TMEM217: variants seen among roughly 807,000 people sequenced by gnomAD.
The protein encoded by TMEM217 is chromosome 6 open reading frame 128.
For missense variants in TMEM217, 204 were observed against 248.8 expected, an observed-to-expected ratio of 0.82 and a Z score of 1.21; for synonymous variants, 76 against 88.3, an observed-to-expected ratio of 0.86 and a Z score of 0.78.
At chr6:37,222,834 C>A (rs564823748) in intron 1 of TMEM217, among the ~76,000 whole-genome samples, 29 of 152,306 alleles carry the variant, frequency 1.9e-4, no homozygotes, top group African/African-American at 7.0e-4. Context: ...GGGCTTCCAC[C>A]GGCTCCATGG....
At chr6:37,220,036 G>A (rs911300908) in intron 1 of TMEM217, among the ~76,000 whole-genome samples, 11 of 152,108 alleles carry the variant, frequency 7.2e-5, no homozygotes, top group Non-Finnish European at 1.0e-4. Flanking sequence ...GTAACAATGA[G>A]CTAAGTATTC....
chr6:37,239,954 T>A (rs865798434), intron 1 of TMEM217, among the ~76,000 whole-genome samples: 13 of 151,916 alleles, frequency 8.6e-5, no homozygotes, highest in African/African-American at 2.7e-4. Flanking sequence ...CAATAGTAGT[T>A]TAAACAACTA....
intron 1 of TMEM217, among the ~76,000 whole-genome samples, chr6:37,232,669 T>A (rs1383092404): frequency 6.6e-6 from 1 of 152,210 alleles, no homozygotes; most frequent in Non-Finnish European, 1.5e-5. Flanking sequence ...TTTCCACATA[T>A]ACACTCCCTT....
intron 1 of TMEM217, among the ~76,000 whole-genome samples, chr6:37,226,234 T>A (rs1309909817): frequency 6.6e-6 from 1 of 151,482 alleles, no homozygotes; most frequent in Non-Finnish European, 1.5e-5. Flanking sequence ...AGATCACCAT[T>A]CTCTTTTTTT....
At chr6:37,228,262 G>C (rs77871502) in intron 1 of TMEM217, among the ~76,000 whole-genome samples, 1 of 152,190 alleles carries the variant, frequency 6.6e-6, no homozygotes. Context: ...AAAGTTACTA[G>C]GGAGTAGTAG....
At chr6:37,220,286 C>T (rs1645900931) in intron 1 of TMEM217, among the ~76,000 whole-genome samples, 1 of 152,160 alleles carries the variant, frequency 6.6e-6, no homozygotes, top group South Asian at 2.1e-4. Context: ...AGTTATTTGC[C>T]AATCTAGGCA....
chr6:37,246,194 G>GTAATCAGCTTT (rs1246477846), intron 1 of TMEM217, among the ~76,000 whole-genome samples: 1 of 152,288 alleles, frequency 6.6e-6, no homozygotes, highest in East Asian at 1.9e-4. Context: ...CTCTCCTGCA[G>GTAATCAGCTTT]TAATCAGCTT....
At chr6:37,257,906 C>G (rs112299709) in exon 1 of TMEM217, 3 of 1,613,206 alleles carry the variant, frequency 1.9e-6, no homozygotes, top group African/African-American at 1.3e-5. Flanking sequence ...AGGACTTCCC[C>G]CGGCCAGAGC....
chr6:37,218,778 A>G (rs998922565), exon 2 of TMEM217: 3 of 1,614,224 alleles, frequency 1.9e-6, no homozygotes, highest in South Asian at 2.2e-5. Flanking sequence ...GCATACACTG[A>G]GTACAGGAGG....
intron 1 of TMEM217, among the ~76,000 whole-genome samples, chr6:37,249,276 A>G (rs1421153471): frequency 6.6e-6 from 1 of 152,188 alleles, no homozygotes; most frequent in Admixed American, 6.5e-5. Flanking sequence ...ATGGCAATAG[A>G]AAGGAAGAAA....
At chr6:37,216,459 G>A (rs1325432598), downstream of TMEM217, among the ~76,000 whole-genome samples, 1 of 152,196 alleles carries the variant, frequency 6.6e-6, no homozygotes. Flanking sequence ...GGTAGGCAGA[G>A]CAGTTGAGAG....
downstream of TMEM217, among the ~76,000 whole-genome samples, chr6:37,214,252 G>A (rs1475351263): frequency 6.6e-6 from 1 of 152,128 alleles, no homozygotes; most frequent in Non-Finnish European, 1.5e-5. Flanking sequence ...TCTTTCGACA[G>A]AGTCTTGCTC....
exon 2 of TMEM217, chr6:37,218,307 T>C (rs764270819): frequency 2.6e-6 from 3 of 1,173,650 alleles, no homozygotes; most frequent in Non-Finnish European, 3.5e-6. Context: ...TGGCTGGGAT[T>C]ACAGGTGTGT....
chr6:37,218,627 C>T (rs758473634), exon 2 of TMEM217: 18 of 1,613,962 alleles, frequency 1.1e-5, no homozygotes, highest in African/African-American at 4.0e-5. Flanking sequence ...CATGACTGTA[C>T]GAGACACCAA....
At chr6:37,245,804 CTT>C (rs59353140) in intron 1 of TMEM217, among the ~76,000 whole-genome samples, 123,396 of 143,550 alleles carry the variant, frequency 0.86, 52,475 homozygotes, top group Middle Eastern at 0.93. Context: ...TTCTTTCTTT[CTT>C]TTTTTTTTTT....
At chr6:37,253,070 A>C (rs1765533538) in intron 1 of TMEM217, among the ~76,000 whole-genome samples, 1 of 152,166 alleles carries the variant, frequency 6.6e-6, no homozygotes, top group African/African-American at 2.4e-5. Context: ...TCTTTGACAA[A>C]ACCCATATAT....
intron 1 of TMEM217, among the ~76,000 whole-genome samples, chr6:37,252,001 C>T (rs535557875): frequency 6.6e-6 from 1 of 152,296 alleles, no homozygotes; most frequent in African/African-American, 2.4e-5. Flanking sequence ...TCAAGCAATT[C>T]TTCTGCCTCA....
At chr6:37,246,902 C>CA (rs61372547) in intron 1 of TMEM217, among the ~76,000 whole-genome samples, 104 of 142,040 alleles carry the variant, frequency 7.3e-4, no homozygotes, top group Non-Finnish European at 8.8e-4. Flanking sequence ...GACTCTGTCT[C>CA]AAAAAAAAAA....
intron 1 of TMEM217, among the ~76,000 whole-genome samples, chr6:37,243,487 C>T (rs923295182): frequency 5.3e-5 from 8 of 152,188 alleles, no homozygotes; most frequent in African/African-American, 1.7e-4. Flanking sequence ...TCACTGAGAC[C>T]ATGACACTGC....
Sources: gnomAD v4.1 joint callset for allele counts (sites outside exome capture counted in the v4.1 genomes callset) on GRCh38, gnomAD v4.1.1 for gene constraint, MANE v1.5 for transcripts, NCBI Gene and HGNC (gene_info 2026-07-23, HGNC 2026-07-21) for gene names.